The following OPRM1 variants were observed in gnomAD, a reference collection of about 807,000 sequenced individuals.
OPRM1 encodes the protein opioid receptor mu 1.
Under a neutral mutation model 31.8 loss-of-function variants are expected in OPRM1, and 27 were observed. The ratio of observed to expected loss-of-function variants is 0.85; its 90% CI spans 0.63 to 1.17. OPRM1 has a LOEUF of 1.17. OPRM1 is among the 50% of genes most tolerant of loss of function. The pLI, the probability that OPRM1 is intolerant of heterozygous loss-of-function variation, is 0.00. For synonymous variants in OPRM1, 196 were observed against 189.9 expected, an observed-to-expected ratio of 1.03 and a Z score of -0.26; for missense variants, 536 against 511.1, an observed-to-expected ratio of 1.05 and a Z score of -0.47.
chr6:154,213,502 C>T (rs1407670298), intron 3 of OPRM1, among the ~76,000 whole-genome samples: 1 of 152,178 alleles, frequency 6.6e-6, no homozygotes, highest in Non-Finnish European at 1.5e-5. Flanking sequence ...CACGGTACCC[C>T]TTTACTGTTT....
chr6:154,071,437 A>G (rs968412841), intron 1 of OPRM1, among the ~76,000 whole-genome samples: 3 of 152,078 alleles, frequency 2.0e-5, no homozygotes, highest in Non-Finnish European at 2.9e-5. Flanking sequence ...GCTTCCCTCT[A>G]ATTGCTGATT....
At chr6:154,077,745 T>A (rs1788188696) in intron 1 of OPRM1, among the ~76,000 whole-genome samples, 1 of 151,824 alleles carries the variant, frequency 6.6e-6, no homozygotes. Flanking sequence ...AATAATTAAT[T>A]AATTAATTAA....
chr6:154,213,004 T>C, intron 3 of OPRM1: 1 of 631,720 alleles, frequency 1.6e-6, no homozygotes, highest in South Asian at 1.9e-5. Flanking sequence ...AACTACCTGG[T>C]GCAAAGGAAT....
At chr6:154,203,083 C>T (rs1440066250) in intron 3 of OPRM1, among the ~76,000 whole-genome samples, 1 of 152,196 alleles carries the variant, frequency 6.6e-6, no homozygotes, top group Non-Finnish European at 1.5e-5. Flanking sequence ...TTCTAACATT[C>T]TGGAGAAACC....
intron 3 of OPRM1, among the ~76,000 whole-genome samples, chr6:154,181,636 C>T (rs1348413822): frequency 6.6e-6 from 1 of 152,210 alleles, no homozygotes; most frequent in Admixed American, 6.5e-5. Flanking sequence ...CCTGCTTGAA[C>T]TACTGCATCT....
chr6:154,223,215 A>T (rs1317564328), intron 3 of OPRM1: 1 of 1,613,744 alleles, frequency 6.2e-7, no homozygotes, highest in Admixed American at 1.7e-5. Flanking sequence ...GAAATCAGGC[A>T]GGTTGACAAA....
chr6:154,194,699 G>A (rs1162880664), intron 3 of OPRM1, among the ~76,000 whole-genome samples: 4 of 152,092 alleles, frequency 2.6e-5, no homozygotes, highest in Non-Finnish European at 5.9e-5. Context: ...AAAAACAAAG[G>A]TAATGTAAAA....
chr6:154,152,059 C>A (rs1798513173), intron 3 of OPRM1, among the ~76,000 whole-genome samples: 1 of 151,194 alleles, frequency 6.6e-6, no homozygotes, highest in Non-Finnish European at 1.5e-5. Flanking sequence ...GGCCTGTAAT[C>A]CCAGCTATTC....
At chr6:154,136,310 G>T (rs1448220307), downstream of OPRM1, among the ~76,000 whole-genome samples, 1 of 152,098 alleles carries the variant, frequency 6.6e-6, no homozygotes, top group Non-Finnish European at 1.5e-5. Flanking sequence ...CTGCGCCATG[G>T]TTTCATTCCA....
At chr6:154,062,694 T>C (rs372864527) in intron 1 of OPRM1, among the ~76,000 whole-genome samples, 70 of 152,224 alleles carry the variant, frequency 4.6e-4, no homozygotes, top group South Asian at 2.7e-3. Flanking sequence ...TAATTTTATA[T>C]AAATCAAGAT....
At chr6:154,062,280 A>G (rs1425234118) in intron 1 of OPRM1, among the ~76,000 whole-genome samples, 2 of 152,134 alleles carry the variant, frequency 1.3e-5, no homozygotes, top group Non-Finnish European at 2.9e-5. Flanking sequence ...TTTTTACTAA[A>G]ATATAAATCA....
chr6:154,102,918 CAAAAA>C (rs58694186), intron 3 of OPRM1, among the ~76,000 whole-genome samples: 2 of 80,798 alleles, frequency 2.5e-5, no homozygotes, highest in African/African-American at 3.6e-5. Context: ...TAACCAGTTG[CAAAAA>C]AAAAAAAAAA....
Position 154,118,918 on chromosome 6 carries a change from G to T in OPRM1, c.*197G>T. ...CCAAAAGTAAGTGGAGCATTTGGAA[G>T]GAAAGGAATATACCACACCGAGGAG... On this transcript the variant is annotated 3_prime_UTR_variant, in exon 4 of 4. Transcript: ENST00000330432. 7.2e-7 allele frequency: 1 copy of T among 1,395,334 alleles called. No homozygotes were observed. Among genetic ancestry groups the T allele is most frequent in the Non-Finnish European group, 9.3e-7 (1 of 1,078,376 alleles). The allele number at this position is 1,395,334 out of a possible 1,614,324, so 86.4% of individuals were successfully genotyped here.
intron 3 of OPRM1, among the ~76,000 whole-genome samples, chr6:154,183,686 G>A (rs1801091659): frequency 6.6e-6 from 1 of 152,090 alleles, no homozygotes; most frequent in South Asian, 2.1e-4. Context: ...ATCACTTGAG[G>A]TCAGGAGTTT....
chr6:154,038,183 T>C (rs972173242), upstream of OPRM1, among the ~76,000 whole-genome samples: 11 of 152,168 alleles, frequency 7.2e-5, no homozygotes, highest in African/African-American at 2.7e-4. Context: ...AGATCTTCCC[T>C]CCCTGCTCCC....
Position 154,039,255 on chromosome 6 carries a change from C to G in OPRM1, c.-290C>G, listed in dbSNP as rs1049355494. ...CTTTTCCCTCCTCCCTCCCTTCCAG[C>G]CTCCGAATCCCGCATGGCCCACGCT... On this transcript the variant is annotated 5_prime_UTR_variant, in exon 1 of 4. Coordinates refer to ENST00000330432, the MANE Select transcript of OPRM1 (RefSeq NM_000914.5). 6.4e-7 allele frequency: 1 copy of G among 1,551,606 alleles called. No homozygotes were observed. The highest frequency in any genetic ancestry group is 1.2e-5 in the South Asian group (1 of 84,056).
intron 1 of OPRM1, among the ~76,000 whole-genome samples, chr6:154,015,193 T>A (rs1372563508): frequency 6.6e-6 from 1 of 152,070 alleles, no homozygotes; most frequent in Non-Finnish European, 1.5e-5. Context: ...ATAAAGTTCA[T>A]TTGGGAAAAA....
chr6:154,086,604 G>A, intron 1 of OPRM1: 1 of 984,210 alleles, frequency 1.0e-6, no homozygotes, highest in Non-Finnish European at 1.2e-6. Context: ...CTCTGGAGAA[G>A]GAAATGATTT....
intron 1 of OPRM1, among the ~76,000 whole-genome samples, chr6:154,023,223 C>T (rs1583135657): frequency 6.7e-6 from 1 of 149,378 alleles, no homozygotes; most frequent in Non-Finnish European, 1.5e-5. Context: ...TTTTACATTT[C>T]TTTTATTACT....
Sources: gnomAD v4.1 joint callset for allele counts (sites outside exome capture counted in the v4.1 genomes callset) on GRCh38, gnomAD v4.1.1 for gene constraint, MANE v1.5 for transcripts, NCBI Gene and HGNC (gene_info 2026-07-23, HGNC 2026-07-21) for gene names.